The following MEI4 variants were observed in gnomAD, a reference collection of about 807,000 sequenced individuals.
MEI4 encodes the protein meiosis-specific protein MEI4.
In MEI4, 27 loss-of-function variants were observed where a neutral mutation model predicts 31.4. That is an observed-to-expected ratio of 0.86 (90% confidence interval 0.63 to 1.19). The LOEUF is 1.19. MEI4 is among the 50% of genes most tolerant of loss of function. The pLI, the probability that MEI4 is intolerant of heterozygous loss-of-function variation, is 0.00. For missense variants in MEI4, 329 were observed against 398.9 expected (o/e 0.82, Z 1.49); for synonymous variants, 122 against 145.4 (o/e 0.84, Z 1.16).
At chr6:77,830,552 T>G (rs1403792809) in intron 4 of MEI4, among the ~76,000 whole-genome samples, 6 of 151,912 alleles carry the variant, frequency 3.9e-5, no homozygotes, top group Non-Finnish European at 8.8e-5. Context: ...AAAATAATAA[T>G]AAGAAAAATA....
intron 3 of MEI4, among the ~76,000 whole-genome samples, chr6:77,790,803 T>C (rs958262048): frequency 1.1e-4 from 17 of 152,152 alleles, no homozygotes; most frequent in African/African-American, 4.1e-4. Flanking sequence ...TTTTGAAATA[T>C]CTGTACATTA....
chr6:77,751,910 G>A (rs1044980018), intron 2 of MEI4, among the ~76,000 whole-genome samples: 3 of 152,110 alleles, frequency 2.0e-5, no homozygotes, highest in African/African-American at 7.2e-5. Flanking sequence ...TCATCAAAAA[G>A]CTTATCCACC....
intron 4 of MEI4, among the ~76,000 whole-genome samples, chr6:77,879,447 A>G (rs1014040851): frequency 3.3e-5 from 5 of 152,132 alleles, no homozygotes; most frequent in African/African-American, 1.2e-4. Flanking sequence ...GAGATTAATT[A>G]TAAGTGGCTT....
intron 2 of MEI4, among the ~76,000 whole-genome samples, chr6:77,749,375 A>AGGTTAGAT (rs1268970653): frequency 6.6e-6 from 1 of 152,186 alleles, no homozygotes; most frequent in Non-Finnish European, 1.5e-5. Flanking sequence ...CCTTGATAAA[A>AGGTTAGAT]GGTTAGATGC....
chr6:77,844,950 G>T (rs1770446071), intron 4 of MEI4, among the ~76,000 whole-genome samples: 1 of 152,090 alleles, frequency 6.6e-6, no homozygotes, highest in Non-Finnish European at 1.5e-5. Context: ...TGTGTGAGGG[G>T]TGTAGGGTAA....
At chr6:77,776,912 T>A (rs1483904867) in intron 3 of MEI4, among the ~76,000 whole-genome samples, 2 of 152,180 alleles carry the variant, frequency 1.3e-5, no homozygotes, top group African/African-American at 4.8e-5. Flanking sequence ...GATAATTGAT[T>A]AGCAAGAGAT....
intron 2 of MEI4, among the ~76,000 whole-genome samples, chr6:77,749,817 T>C (rs761240161): frequency 1.3e-5 from 2 of 151,960 alleles, no homozygotes; most frequent in Non-Finnish European, 2.9e-5. Context: ...CACATAATGA[T>C]CAGATTCACC....
At chr6:77,696,476 G>T (rs542368085) in intron 2 of MEI4, among the ~76,000 whole-genome samples, 8 of 152,058 alleles carry the variant, frequency 5.3e-5, no homozygotes, top group African/African-American at 1.7e-4. Context: ...TAGCATGAAG[G>T]GTTGTTGAAT....
At chr6:77,837,168 G>A (rs1770239964) in intron 4 of MEI4, among the ~76,000 whole-genome samples, 1 of 152,078 alleles carries the variant, frequency 6.6e-6, no homozygotes, top group Admixed American at 6.5e-5. Context: ...AAGGGCATTT[G>A]CCACTTATAG....
chr6:77,914,493 T>G (rs968147137), intron 4 of MEI4, among the ~76,000 whole-genome samples: 1 of 151,888 alleles, frequency 6.6e-6, no homozygotes, highest in Non-Finnish European at 1.5e-5. Context: ...TTTAAGACTT[T>G]TGTGTTCTAA....
intron 4 of MEI4, among the ~76,000 whole-genome samples, chr6:77,879,371 A>G (rs1455901988): frequency 1.3e-5 from 2 of 152,214 alleles, no homozygotes; most frequent in Non-Finnish European, 2.9e-5. Context: ...TATATATAGA[A>G]TAAACACCAT....
intron 2 of MEI4, among the ~76,000 whole-genome samples, chr6:77,697,642 T>G (rs1264442574): frequency 6.6e-6 from 1 of 152,164 alleles, no homozygotes; most frequent in Non-Finnish European, 1.5e-5. Flanking sequence ...CAGTTTGTTA[T>G]AATTTCTGAT....
At chr6:77,693,557 C>T (rs936336818) in intron 2 of MEI4, among the ~76,000 whole-genome samples, 1 of 152,022 alleles carries the variant, frequency 6.6e-6, no homozygotes, top group African/African-American at 2.4e-5. Flanking sequence ...GTCAGTTTTA[C>T]TCACAGCAGG....
At chr6:77,744,512 T>C (rs1249821420) in intron 2 of MEI4, among the ~76,000 whole-genome samples, 1 of 151,758 alleles carries the variant, frequency 6.6e-6, no homozygotes, top group Non-Finnish European at 1.5e-5. Flanking sequence ...CTGAAAGTGA[T>C]GGGGAGAATG....
intron 4 of MEI4, among the ~76,000 whole-genome samples, chr6:77,879,135 T>C (rs1265145366): frequency 6.6e-6 from 1 of 152,146 alleles, no homozygotes; most frequent in Admixed American, 6.6e-5. Flanking sequence ...AAAATGTATA[T>C]GTATAGTTAT....
In MEI4 at chr6:77,908,647, A is replaced by G. The variant is rs561987270; in HGVS notation, c.901-14442A>G. 4.3e-4 allele frequency among the ~76,000 whole-genome samples: 66 copies of G among 152,216 alleles called. No individual in the cohort carries two copies. The South Asian group carries it at 0.014, about 32-fold the overall frequency. ...GCAATGTGGGCTCTTTTTTGGTTCC[A>G]TATGAACTTTAAAGTAGCAAATGGA... On this transcript the variant is annotated intron_variant, in intron 4 of 4. Coordinates refer to ENST00000684080, the MANE Select transcript of MEI4 (RefSeq NM_001322247.2).
intron 4 of MEI4, among the ~76,000 whole-genome samples, chr6:77,910,044 G>C (rs1420994300): frequency 2.0e-5 from 3 of 152,188 alleles, no homozygotes; most frequent in Non-Finnish European, 4.4e-5. Flanking sequence ...ATTAGGTATT[G>C]ATGGGACGTA....
At chr6:77,794,532 A>C (rs751283482) in intron 3 of MEI4, among the ~76,000 whole-genome samples, 3 of 152,212 alleles carry the variant, frequency 2.0e-5, no homozygotes, top group South Asian at 2.1e-4. Context: ...ACTGCACTCC[A>C]GCCTGGGTGA....
chr6:77,875,598 G>T (rs1771314526), intron 4 of MEI4, among the ~76,000 whole-genome samples: 1 of 152,168 alleles, frequency 6.6e-6, no homozygotes, highest in Admixed American at 6.5e-5. Context: ...CAAAAAATCA[G>T]AAATCCAGGA....
Sources: gnomAD v4.1 joint callset for allele counts (sites outside exome capture counted in the v4.1 genomes callset) on GRCh38, gnomAD v4.1.1 for gene constraint, MANE v1.5 for transcripts, NCBI Gene and HGNC (gene_info 2026-07-23, HGNC 2026-07-21) for gene names.